The following CUX1 variants were observed in gnomAD, a reference collection of about 807,000 sequenced individuals.
CUX1 encodes protein CASP.
A neutral mutation model predicts 158.8 loss-of-function variants in CUX1; 31 were observed. That is an observed-to-expected ratio of 0.20 (90% CI 0.15 to 0.26). CUX1 has a LOEUF of 0.26. CUX1 is among the 10% of genes least tolerant of loss of function. The probability of loss-of-function intolerance (pLI) is 1.00; values close to 1 mark genes in which losing one functional copy is unlikely to be tolerated. For synonymous variants in CUX1, 879 were observed against 862.1 expected (o/e 1.02, Z -0.34); for missense variants, 1,589 against 2,014.6 (o/e 0.79, Z 4.04).
chr7:102,198,629 C>T (rs1488509095), intron 15 of CUX1, among the ~76,000 whole-genome samples, 173 bp from the exon 16 acceptor site: 1 of 152,208 alleles, frequency 6.6e-6, no homozygotes, highest in Admixed American at 6.5e-5. Flanking sequence ...CTCTGCGGGC[C>T]GGTCAGCCAG....
intron 1 of CUX1, among the ~76,000 whole-genome samples, chr7:101,911,637 C>T (rs987605472): frequency 6.6e-6 from 1 of 152,252 alleles, no homozygotes; most frequent in Admixed American, 6.5e-5. Context: ...CTTGGCCCGC[C>T]AGTGGATGAC....
chr7:102,274,460 G>C, intron 16 of CUX1: 1 of 636,998 alleles, frequency 1.6e-6, no homozygotes, highest in South Asian at 1.9e-5. Flanking sequence ...CCTTCAAAGG[G>C]TCGGGTAAGG....
rs535674167 is a variant in CUX1 at position 102,132,351 on chromosome 7, GAAC to G, written c.674+17081_674+17083del. Among the ~76,000 whole-genome samples, 32 of 151,582 alleles carry G rather than the reference GAAC, an allele frequency of 2.1e-4. 2 individuals carry two copies. In the East Asian group the frequency reaches 4.5e-3, roughly 21 times the overall value. ...CGCCACGCACACACGCATCTTTACA[GAAC>G]AATAAGAAAAAGTTTCATTTCCCAA... On this transcript the variant is annotated intron_variant, in intron 8 of 23. Transcript: ENST00000292535.
intron 3 of CUX1, among the ~76,000 whole-genome samples, chr7:102,063,412 G>A (rs141511466): frequency 0.046 from 4,323 of 94,990 alleles, 251 homozygotes; most frequent in African/African-American, 0.13. Context: ...TTTTTGAGAC[G>A]GAGTCTCACT....
chr7:102,041,666 A>ATT (rs1246831975), intron 3 of CUX1, among the ~76,000 whole-genome samples: 1,874 of 104,900 alleles, frequency 0.018, 118 homozygotes, highest in African/African-American at 0.062. Context: ...CTCCCTTTTG[A>ATT]TTTTTTTTTT....
At chr7:101,820,601 C>G (rs1225390245) in intron 1 of CUX1, among the ~76,000 whole-genome samples, 1 of 151,940 alleles carries the variant, frequency 6.6e-6, no homozygotes, top group Non-Finnish European at 1.5e-5. Flanking sequence ...TTGTCAAAGA[C>G]AGAAATTTGT....
intron 12 of CUX1, 74 bp downstream of exon 12, chr7:102,189,945 G>A (rs935510074): frequency 6.5e-7 from 1 of 1,527,066 alleles, no homozygotes; most frequent in Admixed American, 1.7e-5. Context: ...TGCCAGGCTG[G>A]TGGCAGGAAG....
chr7:101,922,877 G>GAGC (rs1007127358), intron 2 of CUX1, among the ~76,000 whole-genome samples: 61 of 152,356 alleles, frequency 4.0e-4, no homozygotes, highest in Admixed American at 1.7e-3. Flanking sequence ...TGTCAGGAGG[G>GAGC]AGCAGCAGCA....
intron 8 of CUX1, among the ~76,000 whole-genome samples, chr7:102,119,780 C>T (rs1554492898): frequency 6.6e-6 from 1 of 152,112 alleles, no homozygotes; most frequent in Non-Finnish European, 1.5e-5. Context: ...CTCCTGGCCT[C>T]AGGTGATCCT....
intron 1 of CUX1, among the ~76,000 whole-genome samples, chr7:101,840,233 G>C (rs1212970354): frequency 6.6e-6 from 1 of 152,194 alleles, no homozygotes; most frequent in African/African-American, 2.4e-5. Flanking sequence ...AATAATGCAA[G>C]TTTTTATTTG....
At chr7:102,079,145 T>G (rs380934) in intron 4 of CUX1, among the ~76,000 whole-genome samples, 34,274 of 152,018 alleles carry the variant, frequency 0.23, 4,625 homozygotes, top group African/African-American at 0.38. Context: ...GGAAAAAAAG[T>G]TGAAGAAATC....
intron 2 of CUX1, among the ~76,000 whole-genome samples, chr7:101,994,954 G>A (rs182479590): frequency 2.3e-3 from 341 of 151,480 alleles, no homozygotes; most frequent in Non-Finnish European, 4.0e-3. Flanking sequence ...AAAATTAGCC[G>A]GGCATGGTGG....
chr7:101,902,149 A>AGAT (rs1432435569), intron 1 of CUX1, among the ~76,000 whole-genome samples: 2 of 152,096 alleles, frequency 1.3e-5, no homozygotes, highest in Non-Finnish European at 2.9e-5. Context: ...CATGGGGAAG[A>AGAT]GATGGTGGCA....
chr7:102,036,519 C>G (rs150846317), intron 3 of CUX1, among the ~76,000 whole-genome samples: 5,419 of 152,042 alleles, frequency 0.036, 355 homozygotes, highest in African/African-American at 0.12. Flanking sequence ...GCAGGAGGAT[C>G]ACTTGAGGTC....
intron 2 of CUX1, among the ~76,000 whole-genome samples, chr7:101,967,342 G>T (rs996471096): frequency 1.8e-4 from 28 of 152,182 alleles, no homozygotes; most frequent in African/African-American, 6.8e-4. Flanking sequence ...TGCCACACTT[G>T]TGACTTAGCC....
In CUX1 at chr7:102,280,853, TCAGCA is replaced by T; in HGVS notation, c.1815_1819del (p.Ser606GlyfsTer52). The T allele has an allele frequency of 1.2e-6, 2 of 1,612,250 alleles. No individual in the cohort carries two copies. The highest frequency in any genetic ancestry group is 1.7e-6 in the Non-Finnish European group (2 of 1,179,898). The stretch of plus-strand genomic sequence containing the variant: ...TTGAGTCCCTGGGACAAGGCCACCC[TCAGCA>T]TGGTGAGTCCCTGCCCCTACCCACC... On this transcript the variant is annotated frameshift_variant and splice_region_variant, in exon 20 of 23. Coordinates refer to the CUX1 transcript ENST00000292538. LOFTEE classifies it high-confidence loss of function.
intron 2 of CUX1, among the ~76,000 whole-genome samples, chr7:101,926,773 G>T (rs1482655750): frequency 6.6e-6 from 1 of 152,172 alleles, no homozygotes; most frequent in African/African-American, 2.4e-5. Flanking sequence ...TAAGCAGGAA[G>T]AATTGGTGCT....
chr7:101,939,893 C>T (rs987898433), intron 2 of CUX1, among the ~76,000 whole-genome samples: 3 of 151,924 alleles, frequency 2.0e-5, no homozygotes, highest in Admixed American at 6.6e-5. Flanking sequence ...CCAGCCTGAC[C>T]GACATGGTGA....
intron 3 of CUX1, among the ~76,000 whole-genome samples, chr7:102,032,494 C>T (rs1353225106): frequency 1.3e-5 from 2 of 151,802 alleles, no homozygotes; most frequent in African/African-American, 2.4e-5. Flanking sequence ...GATGAAACCC[C>T]GTCTAATAGA....
Sources: allele counts gnomAD v4.1 joint callset (sites outside exome capture counted in the v4.1 genomes callset), GRCh38; gene constraint gnomAD v4.1.1; transcripts MANE v1.5; gene names NCBI Gene and HGNC (gene_info 2026-07-23, HGNC 2026-07-21).